Variants in ALMS1 observed in about 807,000 individuals in gnomAD.
ALMS1 encodes centrosome-associated protein ALMS1.
Under a neutral mutation model 352.2 loss-of-function variants are expected in ALMS1, and 271 were observed. The ratio of observed to expected loss-of-function variants is 0.77; its 90% confidence interval spans 0.70 to 0.85. The LOEUF is 0.85. ALMS1 is among the 40% of genes least tolerant of loss of function. The probability of loss-of-function intolerance (pLI) is 0.00; values close to 1 mark genes in which losing one functional copy is unlikely to be tolerated. For synonymous variants in ALMS1, 1,865 were observed against 1,761.2 expected (o/e 1.06, Z -1.48); for missense variants, 5,445 against 4,870.7 (o/e 1.12, Z -3.51).
chr2:73,485,491 G>A (rs934823916), intron 9 of ALMS1, among the ~76,000 whole-genome samples: 3 of 152,196 alleles, frequency 2.0e-5, no homozygotes, highest in African/African-American at 7.2e-5. Context: ...TGTCAGACAG[G>A]GACATTTAAG....
At chr2:73,605,166 T>C (rs2104208078) in intron 21 of ALMS1, among the ~76,000 whole-genome samples, 1 of 152,300 alleles carries the variant, frequency 6.6e-6, no homozygotes, top group East Asian at 1.9e-4. Context: ...AAGAAGTGGG[T>C]CTGTGACTTC....
chr2:73,483,614 T>G (rs1383578459), intron 9 of ALMS1, among the ~76,000 whole-genome samples: 1 of 151,784 alleles, frequency 6.6e-6, no homozygotes, highest in Non-Finnish European at 1.5e-5. Flanking sequence ...CTGAGTTCAG[T>G]TCCTGGGTAT....
At position 73,451,408 on chromosome 2, in the gene ALMS1, C is replaced by T. The variant is rs983255370; in HGVS notation, c.4881C>T (p.Phe1627=). 2 of 1,613,878 alleles carry T rather than the reference C, an allele frequency of 1.2e-6. No individual in the cohort carries two copies. The highest frequency in any genetic ancestry group is 2.7e-5 in the African/African-American group (2 of 74,894). ...CACTTGGAGAGAAGCCCATTACTTT[C>T]TACCGGCAGGCTCTGCTAGACAGTC... is the stretch of plus-strand genomic sequence containing the variant. ...SSALGEKPIT[F]YRQALLDSPL... is the part of the protein sequence containing the mutation. The change falls in exon 8 of 23, where the codon TTC becomes TTT. Residue 1627 remains phenylalanine, a synonymous_variant. Transcript: ENST00000613296.
At position 73,451,574 on chromosome 2, in the gene ALMS1, C is replaced by T; in HGVS notation, c.5047C>T (p.His1683Tyr). The T allele has an allele frequency of 6.2e-7, 1 of 1,613,996 alleles. No individual in the cohort carries two copies. The highest frequency in any genetic ancestry group is 8.5e-7 in the Non-Finnish European group (1 of 1,179,978). The part of the protein sequence containing the change: ...IFYQQTLSDS[H>Y]LPEEALKVPP... Reference sequence around the variant, plus strand: ...CTACCAGCAGACCCTATCAGACAGTCATTTACCTGAAGAAGCTCTGAAAGT... The same window carrying T: ...CTACCAGCAGACCCTATCAGACAGTTATTTACCTGAAGAAGCTCTGAAAGT... Residue 1683 changes from histidine to tyrosine, a missense_variant, in exon 8 of 23, where the codon CAT becomes TAT. Transcript: ENST00000613296.
chr2:73,545,874 A>G (rs888825752), intron 12 of ALMS1, among the ~76,000 whole-genome samples: 2 of 152,198 alleles, frequency 1.3e-5, no homozygotes, highest in African/African-American at 4.8e-5. Flanking sequence ...AAGATGGGAA[A>G]CTTCATTCTC....
intron 7 of ALMS1, among the ~76,000 whole-genome samples, chr2:73,437,691 A>G (rs887441427): frequency 6.6e-6 from 1 of 152,188 alleles, no homozygotes; most frequent in Non-Finnish European, 1.5e-5. Context: ...CTCTCAGAGT[A>G]GTATTGTGCT....
intron 10 of ALMS1, among the ~76,000 whole-genome samples, chr2:73,515,702 A>G (rs958588129): frequency 1.3e-5 from 2 of 151,944 alleles, no homozygotes; most frequent in African/African-American, 4.8e-5. Context: ...TTGTTAAAGA[A>G]AAAAGAAGAC....
chr2:73,584,718 G>A (rs982755615), intron 16 of ALMS1, among the ~76,000 whole-genome samples: 4 of 152,080 alleles, frequency 2.6e-5, no homozygotes, highest in Admixed American at 1.3e-4. Flanking sequence ...CTGAGATTTT[G>A]GTGCACCCAT....
intron 15 of ALMS1, among the ~76,000 whole-genome samples, chr2:73,562,152 T>C (rs992945394): frequency 2.7e-5 from 4 of 147,032 alleles, no homozygotes; most frequent in African/African-American, 1.1e-4. Flanking sequence ...TGTATGTATG[T>C]ATGTATGTAT....
intron 11 of ALMS1, among the ~76,000 whole-genome samples, chr2:73,526,379 G>A (rs1266041561): frequency 2.0e-5 from 3 of 152,104 alleles, no homozygotes; most frequent in Non-Finnish European, 2.9e-5. Flanking sequence ...ACTGCTTTAG[G>A]TAGTATGGAC....
At chr2:73,601,067 G>C (rs1675674081) in intron 18 of ALMS1, 128 bp from the exon 19 acceptor site, 3 of 1,497,610 alleles carry the variant, frequency 2.0e-6, no homozygotes, top group Non-Finnish European at 2.7e-6. Flanking sequence ...CAGACTCAAG[G>C]GCACCCTGTG....
intron 11 of ALMS1, among the ~76,000 whole-genome samples, chr2:73,533,287 A>T (rs974165899): frequency 6.6e-6 from 1 of 152,156 alleles, no homozygotes; most frequent in Non-Finnish European, 1.5e-5. Context: ...CATCACCAAG[A>T]CTTTCCTGGG....
In ALMS1 at chr2:73,590,044, GT is replaced by G. The variant is rs573167258; in HGVS notation, c.11548-9345del. Among the ~76,000 whole-genome samples the G allele has an allele frequency of 3.6e-3, 514 of 143,476 alleles. 4 individuals carry two copies. Among genetic ancestry groups the G allele is most frequent in the African/African-American group, 0.011 (424 of 39,492 alleles). 94.1% of individuals were successfully genotyped at this position (143,476 alleles called of 152,430 possible). On this transcript the variant is annotated intron_variant, in intron 16 of 22. Coordinates refer to ENST00000613296, the MANE Select transcript of ALMS1 (RefSeq NM_001378454.1). ...GTTTCTATACCATGGGAAGATAGGT[GT>G]TTTTTTTTTTTCTTTTTAATGAGAT...
intron 16 of ALMS1, among the ~76,000 whole-genome samples, chr2:73,597,629 A>G (rs1284885134): frequency 1.3e-5 from 2 of 152,130 alleles, no homozygotes; most frequent in Middle Eastern, 3.2e-3. Flanking sequence ...ATATTTTACC[A>G]TCTAAATCAT....
At chr2:73,572,119 T>C (rs1674941281) in intron 15 of ALMS1, 143 bp from the exon 16 acceptor site, 2 of 696,772 alleles carry the variant, frequency 2.9e-6, no homozygotes, top group Non-Finnish European at 4.6e-6. Context: ...CAGTCTTTTG[T>C]GCAGGCAGTG....
chr2:73,543,115 A>G (rs1004774328), intron 12 of ALMS1, among the ~76,000 whole-genome samples: 3 of 152,214 alleles, frequency 2.0e-5, no homozygotes, highest in African/African-American at 7.2e-5. Flanking sequence ...ACTTCAAACT[A>G]TACTACAAGG....
intron 7 of ALMS1, among the ~76,000 whole-genome samples, chr2:73,443,412 G>T (rs985917040): frequency 6.6e-5 from 10 of 151,924 alleles, no homozygotes; most frequent in Non-Finnish European, 1.2e-4. Flanking sequence ...CTAATTTCTG[G>T]TTTTTATCCT....
chr2:73,446,311 G>A (rs940780994), intron 7 of ALMS1, among the ~76,000 whole-genome samples: 2 of 152,080 alleles, frequency 1.3e-5, no homozygotes, highest in Admixed American at 6.5e-5. Flanking sequence ...AATGGCCAAA[G>A]GGATATAAAA....
At chr2:73,510,294 T>C (rs948917187) in intron 10 of ALMS1, among the ~76,000 whole-genome samples, 1 of 152,180 alleles carries the variant, frequency 6.6e-6, no homozygotes, top group African/African-American at 2.4e-5. Flanking sequence ...GAAGAGGCAT[T>C]CTGGTTTTGG....
Sources: allele counts gnomAD v4.1 joint callset (sites outside exome capture counted in the v4.1 genomes callset), GRCh38; gene constraint gnomAD v4.1.1; transcripts MANE v1.5; gene names NCBI Gene and HGNC (gene_info 2026-07-23, HGNC 2026-07-21).